Variants in MAGI2 observed in about 807,000 individuals in gnomAD.
The protein encoded by MAGI2 is membrane associated guanylate kinase, WW and PDZ domain containing 2, also known as membrane-associated guanylate kinase, WW and PDZ domain-containing protein 2.
MAGI2 carries 35 observed loss-of-function variants against 133.3 expected under a neutral mutation model. The observed-to-expected ratio is 0.26, with a 90% CI of 0.20 to 0.35. The LOEUF (loss-of-function observed/expected upper bound fraction) is 0.35, where lower values mean the gene tolerates loss of function less well. Among genes scored for constraint, MAGI2 ranks in the 10% least tolerant of loss-of-function variants. MAGI2 has a pLI of 1.00. For missense variants in MAGI2, 1,636 were observed against 1,863.4 expected (o/e 0.88, Z 2.25); for synonymous variants, 729 against 710.6 (o/e 1.03, Z -0.41).
intron 2 of MAGI2, among the ~76,000 whole-genome samples, chr7:78,760,365 T>TA (rs1824379649): frequency 6.8e-6 from 1 of 146,568 alleles, no homozygotes; most frequent in Non-Finnish European, 1.5e-5. Context: ...TTCTCTCTTT[T>TA]TTTTTTTTTT....
chr7:78,558,839 T>A (rs970783355), intron 3 of MAGI2, among the ~76,000 whole-genome samples: 12 of 62,788 alleles, frequency 1.9e-4, no homozygotes, highest in African/African-American at 4.7e-4. Context: ...GAGACACCGT[T>A]TTTTTTTTTT....
At chr7:78,326,905 G>T (rs565080395) in intron 9 of MAGI2, among the ~76,000 whole-genome samples, 1 of 152,248 alleles carries the variant, frequency 6.6e-6, no homozygotes, top group African/African-American at 2.4e-5. Flanking sequence ...CTTCCAGTGT[G>T]TTAGGGGCAG....
intron 21 of MAGI2, among the ~76,000 whole-genome samples, chr7:78,069,010 CA>C (rs1814151410): frequency 6.6e-6 from 1 of 152,202 alleles, no homozygotes; most frequent in Non-Finnish European, 1.5e-5. Context: ...AACATTCTCA[CA>C]TTGTGAACTA....
chr7:79,056,022 AG>A (rs1432675095), intron 1 of MAGI2, among the ~76,000 whole-genome samples: 1 of 152,202 alleles, frequency 6.6e-6, no homozygotes, highest in Non-Finnish European at 1.5e-5. Context: ...CAGAGAGAAA[AG>A]GCCCCAGTAA....
intron 2 of MAGI2, among the ~76,000 whole-genome samples, chr7:78,975,269 C>A (rs1174851755): frequency 6.6e-6 from 1 of 151,632 alleles, no homozygotes; most frequent in East Asian, 1.9e-4. Context: ...CAAGATAGAC[C>A]ACATTGTGGG....
intron 9 of MAGI2, among the ~76,000 whole-genome samples, chr7:78,336,766 G>T (rs1789810055): frequency 6.6e-6 from 1 of 151,670 alleles, no homozygotes. Flanking sequence ...GAAGAAAGAA[G>T]CAAGAAGAAG....
At chr7:78,444,315 C>A (rs745752484) in intron 6 of MAGI2, among the ~76,000 whole-genome samples, 2 of 151,986 alleles carry the variant, frequency 1.3e-5, no homozygotes, top group Admixed American at 1.3e-4. Context: ...TAGAGAGCCA[C>A]GCAGAACAGT....
chr7:78,630,378 A>C (rs1307118596), intron 2 of MAGI2, among the ~76,000 whole-genome samples: 2 of 150,194 alleles, frequency 1.3e-5, no homozygotes, highest in Non-Finnish European at 3.0e-5. Flanking sequence ...ATCTATTCCC[A>C]GCTGAAATGT....
At chr7:79,055,073 C>T (rs569968944) in intron 1 of MAGI2, among the ~76,000 whole-genome samples, 6 of 152,290 alleles carry the variant, frequency 3.9e-5, no homozygotes, top group Non-Finnish European at 5.9e-5. Context: ...GGATTACAGG[C>T]GTGAGCCACC....
At chr7:79,082,402 C>T (rs1816122231) in intron 1 of MAGI2, among the ~76,000 whole-genome samples, 1 of 151,966 alleles carries the variant, frequency 6.6e-6, no homozygotes, top group Admixed American at 6.6e-5. Context: ...TTGTACATGG[C>T]TGGAGGAAGG....
Position 78,671,487 on chromosome 7 carries a change from A to G in MAGI2, c.419-44248T>C, listed in dbSNP as rs76226943. On this transcript the variant is annotated intron_variant, in intron 2 of 21. Transcript: ENST00000354212. ...TGCCCCAAATTTCATTTTGAAAAGC[A>G]ATTTCAACTTCTCATTTAAACAAAC... is the stretch of plus-strand genomic sequence containing the variant. Among the ~76,000 whole-genome samples the G allele has an allele frequency of 6.5e-3, 995 of 152,262 alleles. 16 individuals carry two copies. The highest frequency in any genetic ancestry group is 0.023 in the African/African-American group (956 of 41,550).
chr7:79,442,451 A>AGTGTGT (rs3028947), intron 1 of MAGI2, among the ~76,000 whole-genome samples: 13,278 of 145,118 alleles, frequency 0.091, 640 homozygotes, highest in East Asian at 0.15. Context: ...GTGTTTGAAG[A>AGTGTGT]GTGTGTGTGT....
chr7:78,167,687 T>C (rs1825745219), intron 15 of MAGI2, among the ~76,000 whole-genome samples: 1 of 152,214 alleles, frequency 6.6e-6, no homozygotes, highest in Non-Finnish European at 1.5e-5. Context: ...ATTCTAGAAA[T>C]TTTTAATGAA....
chr7:78,894,523 C>T (rs937629319), intron 2 of MAGI2, among the ~76,000 whole-genome samples: 3 of 152,102 alleles, frequency 2.0e-5, no homozygotes, highest in Admixed American at 6.5e-5. Flanking sequence ...ATGCTTTTAT[C>T]TGTAAAACTG....
At chr7:79,350,894 C>G (rs966545758) in intron 1 of MAGI2, among the ~76,000 whole-genome samples, 9 of 151,998 alleles carry the variant, frequency 5.9e-5, no homozygotes, top group African/African-American at 2.2e-4. Flanking sequence ...ATCTATGTCC[C>G]TTTGTTTAAT....
chr7:78,511,188 A>G (rs1311918804), intron 4 of MAGI2, among the ~76,000 whole-genome samples: 2 of 152,218 alleles, frequency 1.3e-5, no homozygotes. Flanking sequence ...TATTTGGACA[A>G]AAGAAAAATA....
intron 6 of MAGI2, among the ~76,000 whole-genome samples, chr7:78,438,055 T>G (rs1487013398): frequency 6.6e-6 from 1 of 152,128 alleles, no homozygotes; most frequent in East Asian, 1.9e-4. Context: ...CTTTGTTCCC[T>G]TCATCCTTGG....
At chr7:79,255,868 T>C (rs1348249914) in intron 1 of MAGI2, among the ~76,000 whole-genome samples, 2 of 152,196 alleles carry the variant, frequency 1.3e-5, no homozygotes, top group Non-Finnish European at 2.9e-5. Context: ...CAAACCATTG[T>C]GGCAAAATTA....
chr7:79,368,203 TAGGAAAACATG>T (rs1563158323), intron 1 of MAGI2, among the ~76,000 whole-genome samples: 2 of 151,986 alleles, frequency 1.3e-5, no homozygotes, highest in Non-Finnish European at 1.5e-5. Flanking sequence ...ATTGTGCATC[TAGGAAAACATG>T]AGGAATAACA....
Sources: allele counts gnomAD v4.1 joint callset (sites outside exome capture counted in the v4.1 genomes callset), GRCh38; gene constraint gnomAD v4.1.1; transcripts MANE v1.5; gene names NCBI Gene and HGNC (gene_info 2026-07-23, HGNC 2026-07-21).